EPB41L2: variants seen among roughly 807,000 people sequenced by gnomAD.
EPB41L2 encodes the protein erythrocyte membrane protein band 4.1 like 2, also known as band 4.1-like protein 2.
A neutral mutation model predicts 113.0 loss-of-function variants in EPB41L2; 43 were observed. The observed-to-expected ratio is 0.38, with a 90% confidence interval of 0.30 to 0.49. The LOEUF (loss-of-function observed/expected upper bound fraction) is 0.49. Ranked by LOEUF, EPB41L2 falls within the 20% of genes least tolerant of loss-of-function variation. EPB41L2 has a pLI of 0.95. For missense variants in EPB41L2, 1,147 were observed against 1,223.4 expected (o/e 0.94, Z 0.93); for synonymous variants, 442 against 436.7 (o/e 1.01, Z -0.15).
At chr6:130,845,468 C>G (rs994266540) in intron 19 of EPB41L2, among the ~76,000 whole-genome samples, 2 of 152,138 alleles carry the variant, frequency 1.3e-5, no homozygotes, top group Admixed American at 6.5e-5. Context: ...GCCTTGAACT[C>G]CTGGACTCAA....
intron 4 of EPB41L2, among the ~76,000 whole-genome samples, chr6:130,919,859 A>G (rs1802320235): frequency 6.6e-6 from 1 of 152,134 alleles, no homozygotes; most frequent in Non-Finnish European, 1.5e-5. Flanking sequence ...ACAGCAATCC[A>G]CATACTAATT....
chr6:130,968,765 T>C (rs1021887635), intron 1 of EPB41L2, among the ~76,000 whole-genome samples: 2 of 151,262 alleles, frequency 1.3e-5, no homozygotes, highest in Non-Finnish European at 2.9e-5. Flanking sequence ...GTATTTCTAC[T>C]CCGAGGATTC....
intron 1 of EPB41L2, among the ~76,000 whole-genome samples, chr6:131,054,244 C>T (rs73625616): frequency 2.6e-5 from 4 of 152,122 alleles, no homozygotes; most frequent in Admixed American, 6.5e-5. Flanking sequence ...AGACTTGTAA[C>T]GGGGTTTCTC....
In EPB41L2 at chr6:130,864,993, G is replaced by A. The variant is rs139836490; in HGVS notation, c.2829+543C>T. 2.4e-3 allele frequency among the ~76,000 whole-genome samples: 359 copies of A among 152,288 alleles called. 2 individuals carry two copies. The highest frequency in any genetic ancestry group is 7.5e-3 in the African/African-American group (312 of 41,554). The stretch of plus-strand genomic sequence containing the variant: ...TTCAGGAGGACTGGAGTGGGGCCAC[G>A]CTATTTATACTTCTAACAATGCCCC... On this transcript the variant is annotated intron_variant, in intron 17 of 19. Transcript: ENST00000337057.
chr6:130,972,337 A>G (rs959404915), intron 1 of EPB41L2, among the ~76,000 whole-genome samples: 11 of 151,336 alleles, frequency 7.3e-5, no homozygotes, highest in Non-Finnish European at 1.3e-4. Context: ...AAAAAAAAAA[A>G]AAAAAAAAAG....
chr6:130,980,655 A>T lies in EPB41L2; in HGVS notation c.-14-24156T>A, dbSNP rs375865555. Among the ~76,000 whole-genome samples the T allele has an allele frequency of 1.6e-3, 239 of 152,308 alleles. 8 individuals are homozygous for T. In the South Asian group the frequency reaches 0.047, roughly 30 times the overall value. On this transcript the variant is annotated intron_variant, in intron 1 of 19. Transcript: ENST00000337057. ...CCATTGTTTTGGACTAGCCTCCTGC[A>T]CTAGGCTCCAGCAGACCATACCACA...
chr6:130,909,030 G>A (rs941099397), intron 4 of EPB41L2, among the ~76,000 whole-genome samples, 167 bp from the exon 5 acceptor site: 5 of 152,144 alleles, frequency 3.3e-5, no homozygotes, highest in African/African-American at 1.2e-4. Context: ...TTTGTCCTTG[G>A]GGACATATGT....
intron 1 of EPB41L2, among the ~76,000 whole-genome samples, chr6:131,061,071 G>C (rs1798559088): frequency 6.6e-6 from 1 of 152,224 alleles, no homozygotes; most frequent in Non-Finnish European, 1.5e-5. Flanking sequence ...ATTTTCTTTC[G>C]AAGGTTTTTG....
chr6:131,003,803 G>A (rs543691358), intron 1 of EPB41L2, among the ~76,000 whole-genome samples: 3 of 152,230 alleles, frequency 2.0e-5, no homozygotes, highest in Non-Finnish European at 2.9e-5. Context: ...CAAAAGCATG[G>A]GCAGGTTATA....
intron 4 of EPB41L2, among the ~76,000 whole-genome samples, chr6:130,916,761 C>T (rs1468960052): frequency 6.6e-6 from 1 of 152,216 alleles, no homozygotes; most frequent in Non-Finnish European, 1.5e-5. Flanking sequence ...AAGTCTATTT[C>T]AGCAGGTCTA....
chr6:130,861,018 G>C (rs1271670828), intron 18 of EPB41L2, among the ~76,000 whole-genome samples: 5 of 152,040 alleles, frequency 3.3e-5, no homozygotes, highest in Non-Finnish European at 5.9e-5. Flanking sequence ...AAGATTTCTT[G>C]TTTTCTGTCT....
chr6:130,904,382 G>GA, intron 6 of EPB41L2, 83 bp downstream of exon 6: 1 of 920,872 alleles, frequency 1.1e-6, no homozygotes, highest in South Asian at 2.1e-5. Context: ...TTTCAATCCT[G>GA]AAATTACCAC....
chr6:131,047,653 T>G (rs1795714927), intron 1 of EPB41L2, among the ~76,000 whole-genome samples: 1 of 152,188 alleles, frequency 6.6e-6, no homozygotes, highest in South Asian at 2.1e-4. Flanking sequence ...GTTTAAGGCA[T>G]GTACCTTCCC....
rs766306930 is a variant in EPB41L2 at position 130,894,466 on chromosome 6, C to A, written c.1390-25G>T. On this transcript the variant is annotated intron_variant, in intron 9 of 19. Transcript: ENST00000337057. ...GCTGGAATAAATCCGTAAAACAAATCAGCATATTTCCTTAAGAACTGACTA... is the reference window on the plus strand; with the variant it reads ...GCTGGAATAAATCCGTAAAACAAATAAGCATATTTCCTTAAGAACTGACTA... The A allele has an allele frequency of 7.5e-6, 12 of 1,598,994 alleles. No homozygotes were observed. The South Asian group carries it at 9.9e-5, about 13-fold the overall frequency.
At chr6:130,968,091 T>C (rs1775806662) in intron 1 of EPB41L2, among the ~76,000 whole-genome samples, 1 of 150,066 alleles carries the variant, frequency 6.7e-6, no homozygotes, top group Non-Finnish European at 1.5e-5. Context: ...CGTGCCCACT[T>C]GGTATCCAAC....
intron 3 of EPB41L2, among the ~76,000 whole-genome samples, chr6:130,929,787 T>TG (rs1175096559): frequency 6.6e-6 from 1 of 151,546 alleles, no homozygotes; most frequent in Non-Finnish European, 1.5e-5. Flanking sequence ...AACAATCTTT[T>TG]GCTCTGGGGA....
At chr6:130,892,315 G>GACT (rs10630479) in intron 10 of EPB41L2, among the ~76,000 whole-genome samples, 66,267 of 150,806 alleles carry the variant, frequency 0.44, 15,981 homozygotes, top group Non-Finnish European at 0.52. Flanking sequence ...GCGAGAAATA[G>GACT]ACCACGATAT....
At position 130,891,955 on chromosome 6, in the gene EPB41L2, G is replaced by A. The variant is rs536131208; in HGVS notation, c.1488-1489C>T. ...GCAATCTATAGACAAAGTATGACTG[G>A]CCCTTTGTGTTAGATATATTCTTTT... On this transcript the variant is annotated intron_variant, in intron 10 of 19. Transcript: ENST00000337057. Among the ~76,000 whole-genome samples the A allele has an allele frequency of 3.3e-5, 5 of 152,200 alleles. No homozygotes were observed. The South Asian group carries it at 1.0e-3, about 32-fold the overall frequency.
intron 1 of EPB41L2, among the ~76,000 whole-genome samples, chr6:131,033,559 T>C (rs534075284): frequency 6.6e-6 from 1 of 152,158 alleles, no homozygotes; most frequent in Non-Finnish European, 1.5e-5. Flanking sequence ...AATAGATGAA[T>C]GGATAAGTAA....
Sources: gnomAD v4.1 joint callset for allele counts (sites outside exome capture counted in the v4.1 genomes callset) on GRCh38, gnomAD v4.1.1 for gene constraint, MANE v1.5 for transcripts, NCBI Gene and HGNC (gene_info 2026-07-23, HGNC 2026-07-21) for gene names.